ZNHIT6: variants seen among roughly 807,000 people sequenced by gnomAD.
ZNHIT6 encodes the protein zinc finger HIT-type containing 6, also known as box C/D snoRNA protein 1.
In ZNHIT6, 45 loss-of-function variants were observed where a neutral mutation model predicts 57.2. That is an observed-to-expected ratio of 0.79 (90% confidence interval 0.62 to 1.01). The LOEUF is 1.01. Among genes scored for constraint, ZNHIT6 ranks in the 50% least tolerant of loss-of-function variants. The pLI is 0.00. For synonymous variants in ZNHIT6, 188 were observed against 190.0 expected, an observed-to-expected ratio of 0.99 and a Z score of 0.09; for missense variants, 528 against 567.3, an observed-to-expected ratio of 0.93 and a Z score of 0.70.
In ZNHIT6 at chr1:85,652,177, T is replaced by G. The variant is rs954773577; in HGVS notation, c.*1881A>C. 1.3e-5 allele frequency: 2 copies of G among 152,204 alleles called. No homozygotes were observed. The highest frequency in any genetic ancestry group is 4.8e-5 in the African/African-American group (2 of 41,458). The allele number at this position is 152,204 out of a possible 1,614,324, so 9.4% of individuals were successfully genotyped here. On this transcript the variant is annotated 3_prime_UTR_variant, in exon 10 of 10. Transcript: ENST00000370574. ...TCAAGACTTTTCTTGGAAATGAGAC[T>G]ACATCATAACAGATTTCACTGTCAA...
intron 8 of ZNHIT6, among the ~76,000 whole-genome samples, chr1:85,661,387 T>C (rs188574151): frequency 2.3e-3 from 352 of 152,298 alleles, no homozygotes; most frequent in African/African-American, 6.9e-3. Context: ...GGCTAAATGA[T>C]AAAACACAGA....
At position 85,706,317 on chromosome 1, in the gene ZNHIT6, C is replaced by T; in HGVS notation, c.761G>A (p.Cys254Tyr). The T allele has an allele frequency of 6.2e-7, 1 of 1,613,764 alleles. No homozygotes were observed. Among genetic ancestry groups the T allele is most frequent in the South Asian group, 1.1e-5 (1 of 91,030 alleles). Residue 254 changes from cysteine to tyrosine, a missense_variant, in exon 3 of 10, where the codon TGT becomes TAT. By Grantham distance (194) the Cys-to-Tyr change is radical. Transcript: ENST00000370574. ...CVKKHKAELT[C>Y]NGVRDKTAYI... ...TGCAGTTTTATCTCGAACTCCATTACATGTCAGTTCTGCTTTGTGTTTCTT... is the reference window on the plus strand; with the variant it reads ...TGCAGTTTTATCTCGAACTCCATTATATGTCAGTTCTGCTTTGTGTTTCTT...
intron 8 of ZNHIT6, among the ~76,000 whole-genome samples, chr1:85,672,018 T>A (rs866279461): frequency 6.6e-6 from 1 of 152,176 alleles, no homozygotes; most frequent in Non-Finnish European, 1.5e-5. Context: ...CTACACAGAT[T>A]ATGTATTCTG....
At chr1:85,661,421 C>G (rs939691200) in intron 8 of ZNHIT6, among the ~76,000 whole-genome samples, 8 of 152,136 alleles carry the variant, frequency 5.3e-5, no homozygotes, top group Non-Finnish European at 1.2e-4. Context: ...TTTATTTAAG[C>G]CCTAAGCACA....
At chr1:85,690,131 T>C (rs1369807538) in intron 5 of ZNHIT6, among the ~76,000 whole-genome samples, 1 of 152,130 alleles carries the variant, frequency 6.6e-6, no homozygotes, top group East Asian at 1.9e-4. Context: ...CCTGGGAACA[T>C]TTAGTTGAAT....
chr1:85,702,991 T>C (rs1164843472), intron 4 of ZNHIT6, among the ~76,000 whole-genome samples: 1 of 152,192 alleles, frequency 6.6e-6, no homozygotes, highest in African/African-American at 2.4e-5. Flanking sequence ...GAATTTGCAA[T>C]GTAAACAGTC....
chr1:85,672,320 GC>G (rs1661579359), intron 8 of ZNHIT6, among the ~76,000 whole-genome samples: 1 of 151,788 alleles, frequency 6.6e-6, no homozygotes, highest in African/African-American at 2.4e-5. Context: ...GTTTTCTACT[GC>G]CAAGGAGACC....
intron 8 of ZNHIT6, among the ~76,000 whole-genome samples, chr1:85,662,792 G>A (rs1056050343): frequency 6.6e-6 from 1 of 152,164 alleles, no homozygotes; most frequent in Non-Finnish European, 1.5e-5. Flanking sequence ...GAATTGTGTA[G>A]TACAGACATA....
intron 8 of ZNHIT6, among the ~76,000 whole-genome samples, chr1:85,658,455 C>T (rs890577847): frequency 6.6e-6 from 1 of 152,134 alleles, no homozygotes; most frequent in Non-Finnish European, 1.5e-5. Context: ...TGGTCTCGAT[C>T]TCCTGACCTC....
intron 8 of ZNHIT6, among the ~76,000 whole-genome samples, chr1:85,667,961 A>AAAAAAAAAAAATGTAT: frequency 5.5e-5 from 1 of 18,202 alleles, no homozygotes; most frequent in African/African-American, 2.1e-4. Flanking sequence ...AAAAAAAAAA[A>AAAAAAAAAAAATGTAT]ATATATATAT....
At position 85,650,482 on chromosome 1, in the gene ZNHIT6, T is replaced by G. The variant is rs1660871970; in HGVS notation, c.*3576A>C. On this transcript the variant is annotated 3_prime_UTR_variant, in exon 10 of 10. Transcript: ENST00000370574. The stretch of plus-strand genomic sequence containing the variant: ...GAACTGCCCTTCATGCTGACACTAT[T>G]TTGAGTTTTTGTCACTTGCATATAA... 6.6e-6 allele frequency: 1 copy of G among 152,218 alleles called. No individual in the cohort carries two copies. The highest frequency in any genetic ancestry group is 2.4e-5 in the African/African-American group (1 of 41,456). The allele number at this position is 152,218 out of a possible 1,614,324, so 9.4% of individuals were successfully genotyped here. A position where few individuals can be genotyped will look rare whatever the true frequency, so the allele number is the denominator to read the frequency against.
chr1:85,667,961 A>AAAAAAAAAAAAAAAAGTATATATAT, intron 8 of ZNHIT6, among the ~76,000 whole-genome samples: 1 of 18,200 alleles, frequency 5.5e-5, no homozygotes, highest in Non-Finnish European at 9.9e-5. Flanking sequence ...AAAAAAAAAA[A>AAAAAAAAAAAAAAAAGTATATATAT]ATATATATAT....
At chr1:85,674,742 C>T (rs1661655084) in intron 8 of ZNHIT6, among the ~76,000 whole-genome samples, 2 of 152,036 alleles carry the variant, frequency 1.3e-5, no homozygotes, top group African/African-American at 4.8e-5. Flanking sequence ...AAATGTTACT[C>T]ATGTTTTAAG....
intron 7 of ZNHIT6, among the ~76,000 whole-genome samples, chr1:85,677,836 T>A (rs78513555): frequency 0.012 from 1,897 of 152,298 alleles, 26 homozygotes; most frequent in Middle Eastern, 0.041. Flanking sequence ...CTCATTCACA[T>A]CCCAAGCAAG....
At chr1:85,687,026 T>G (rs532882005) in intron 5 of ZNHIT6, among the ~76,000 whole-genome samples, 4 of 151,438 alleles carry the variant, frequency 2.6e-5, no homozygotes, top group African/African-American at 9.7e-5. Context: ...TCCCAGCACT[T>G]TGGGAGGCCG....
intron 5 of ZNHIT6, among the ~76,000 whole-genome samples, chr1:85,685,331 C>T (rs776517746): frequency 5.9e-5 from 9 of 152,104 alleles, no homozygotes; most frequent in Non-Finnish European, 1.2e-4. Context: ...GGTACATCTA[C>T]ATAATGAATT....
intron 8 of ZNHIT6, among the ~76,000 whole-genome samples, chr1:85,667,961 A>AAAAAAAAAAAAAAAT: frequency 1.6e-3 from 29 of 18,198 alleles, no homozygotes; most frequent in South Asian, 2.4e-3. Flanking sequence ...AAAAAAAAAA[A>AAAAAAAAAAAAAAAT]ATATATATAT....
At chr1:85,687,032 G>A (rs977243032) in intron 5 of ZNHIT6, among the ~76,000 whole-genome samples, 8 of 151,694 alleles carry the variant, frequency 5.3e-5, no homozygotes, top group African/African-American at 1.7e-4. Context: ...CACTTTGGGA[G>A]GCCGAGATGG....
chr1:85,670,772 G>A (rs1487084294), intron 8 of ZNHIT6, among the ~76,000 whole-genome samples: 1 of 152,266 alleles, frequency 6.6e-6, no homozygotes, highest in East Asian at 1.9e-4. Context: ...GAGAAGAAAG[G>A]ACAAATGGAA....
Sources: gnomAD v4.1 joint callset for allele counts (sites outside exome capture counted in the v4.1 genomes callset) on GRCh38, gnomAD v4.1.1 for gene constraint, MANE v1.5 for transcripts, NCBI Gene and HGNC (gene_info 2026-07-23, HGNC 2026-07-21) for gene names.